Variants in ANKRD35 observed in about 807,000 individuals in gnomAD.
The protein encoded by ANKRD35 is ankyrin repeat domain 35.
ANKRD35 carries 102 observed loss-of-function variants against 109.9 expected under a neutral mutation model. The observed-to-expected ratio is 0.93, with a 90% confidence interval of 0.79 to 1.09. The LOEUF is 1.09. ANKRD35 is among the 50% of genes least tolerant of loss of function. The pLI, the probability that ANKRD35 is intolerant of heterozygous loss-of-function variation, is 0.00. For synonymous variants in ANKRD35, 515 were observed against 512.4 expected (o/e 1.01, Z -0.07); for missense variants, 1,240 against 1,230.1 (o/e 1.01, Z -0.12).
chr1:145,871,995 T>A lies in ANKRD35; in HGVS notation c.2774A>T (p.Asp925Val). 4.3e-6 allele frequency: 7 copies of A among 1,611,398 alleles called. No individual in the cohort carries two copies. The highest frequency in any genetic ancestry group is 5.9e-6 in the Non-Finnish European group (7 of 1,179,964). Residue 925 changes from aspartate to valine, a missense_variant, in exon 10 of 14, where the codon GAC becomes GTC. By Grantham distance (152) the Asp-to-Val change is radical (BLOSUM62 -3). Coordinates refer to ENST00000355594, the MANE Select transcript of ANKRD35 (RefSeq NM_144698.5). Reference sequence around the variant, plus strand: ...TCAGCTGCTCACCTTGGCTTCCTTGTCTCGGCAAGCCCCAATGAGATGCTC... The same window carrying A: ...TCAGCTGCTCACCTTGGCTTCCTTGACTCGGCAAGCCCCAATGAGATGCTC... ...KMEHLIGACR[D>V]KEAKIKELLK...
Position 145,871,979 on chromosome 1 carries a change from C to T in ANKRD35, c.2787+3G>A. The T allele has an allele frequency of 6.2e-7, 1 of 1,609,506 alleles. No homozygotes were observed. On this transcript the variant is annotated splice_donor_region_variant and intron_variant, in intron 10 of 13. Transcript: ENST00000355594. ...GCTCCCCAGGGCTACCTCAGCTGCTCACCTTGGCTTCCTTGTCTCGGCAAG... is the reference window on the plus strand; with the variant it reads ...GCTCCCCAGGGCTACCTCAGCTGCTTACCTTGGCTTCCTTGTCTCGGCAAG...
rs782633180 is a variant in ANKRD35 at position 145,872,334 on chromosome 1, T to C, written c.2435A>G (p.Gln812Arg). ...TTCCTCTGTGGCTTGGTAGAGCAGC[T>C]GCTTCAGCTTTCCGATCTCCTGGCT... ...GKSQEIGKLK[Q>R]LLYQATEEVA... is the part of the protein sequence containing the mutation. The change falls in exon 10 of 14, where the codon CAG (glutamine) becomes CGG (arginine). Residue 812 changes from glutamine to arginine, a missense_variant. Physicochemically the swap from Gln to Arg is conservative, Grantham distance 43. Transcript: ENST00000355594. The C allele has an allele frequency of 6.2e-7, 1 of 1,612,866 alleles. No homozygotes were observed. Among genetic ancestry groups the C allele is most frequent in the African/African-American group, 1.3e-5 (1 of 74,916 alleles).
chr1:145,878,337 G>T, intron 3 of ANKRD35, 54 bp downstream of exon 3: 2 of 1,519,360 alleles, frequency 1.3e-6, no homozygotes, highest in Non-Finnish European at 1.8e-6. Flanking sequence ...GCCCCCGACT[G>T]CTGCTGTACC....
chr1:145,878,355 A>C, intron 3 of ANKRD35, 36 bp downstream of exon 3: 1 of 1,547,872 alleles, frequency 6.5e-7, no homozygotes, highest in Non-Finnish European at 8.8e-7. Context: ...ACCAGGGGCA[A>C]GCAAGCAGCG....
At chr1:145,885,325 TTGG>T (rs1654438085) in intron 1 of ANKRD35, among the ~76,000 whole-genome samples, 1 of 151,846 alleles carries the variant, frequency 6.6e-6, no homozygotes, top group African/African-American at 2.4e-5. Context: ...GGGGCATGAC[TTGG>T]TGGTGTAGAA....
At chr1:145,884,845 G>A (rs1386760542) in intron 1 of ANKRD35, among the ~76,000 whole-genome samples, 2 of 152,202 alleles carry the variant, frequency 1.3e-5, no homozygotes, top group Admixed American at 1.3e-4. Flanking sequence ...ACTGGCCCAA[G>A]AACCAGTCTG....
chr1:145,870,712 A>G (rs1653778343), intron 10 of ANKRD35, among the ~76,000 whole-genome samples: 1 of 151,938 alleles, frequency 6.6e-6, no homozygotes, highest in South Asian at 2.1e-4. Context: ...ATTCTTTTAT[A>G]TATATATATA....
At position 145,876,133 on chromosome 1, in the gene ANKRD35, G is replaced by C. The variant is rs782476101; in HGVS notation, c.560+7C>G. On this transcript the variant is annotated splice_region_variant and intron_variant, in intron 7 of 13. Transcript: ENST00000355594. ...GGAATTGGGGTGCATAGACGAGGGGGGCTCACTTGTCATTCTTGTCTGTAA... is the reference window on the plus strand; with the variant it reads ...GGAATTGGGGTGCATAGACGAGGGGCGCTCACTTGTCATTCTTGTCTGTAA... 3.0e-5 allele frequency: 48 copies of C among 1,613,128 alleles called. No individual in the cohort carries two copies. The highest frequency in any genetic ancestry group is 4.1e-5 in the Non-Finnish European group (48 of 1,179,514).
rs1233811300 is a variant in ANKRD35 at position 145,872,402 on chromosome 1, C to T, written c.2367G>A (p.Leu789=). Residue 789 remains leucine, a synonymous_variant, in exon 10 of 14, where the codon CTG becomes CTA. Coordinates refer to ENST00000355594, the MANE Select transcript of ANKRD35 (RefSeq NM_144698.5). ...VAALEQDLGK[L]EEELRAVQAT... Reference sequence around the variant, plus strand: ...CCTGAACTGCCCGCAGCTCTTCCTCCAGCTTCCCCAGGTCTTGCTCCAGAG... The same window carrying T: ...CCTGAACTGCCCGCAGCTCTTCCTCTAGCTTCCCCAGGTCTTGCTCCAGAG... 6.2e-7 allele frequency: 1 copy of T among 1,613,064 alleles called. No individual in the cohort carries two copies. The highest frequency in any genetic ancestry group is 1.3e-5 in the African/African-American group (1 of 74,914).
rs1269443409 is a variant in ANKRD35, at chr1:145,873,199, T to C, written c.1570A>G (p.Thr524Ala). 1 of 1,613,610 alleles carries C rather than the reference T, an allele frequency of 6.2e-7. No homozygotes were observed. Among genetic ancestry groups the C allele is most frequent in the African/African-American group, 1.3e-5 (1 of 74,772 alleles). ...GCTGCTGCTGCCTCAGCACGGGGAG[T>C]CCCCAGGGCTCCCTCCATGACCGGT... ...SRPVMEGALGTPRAEAAAAAW... is the reference protein window; with the variant it reads ...SRPVMEGALGAPRAEAAAAAW... Residue 524 changes from threonine (T) to alanine (A), a missense_variant, in exon 10 of 14, where the codon ACT becomes GCT. Transcript: ENST00000355594.
At chr1:145,875,091 C>T in intron 7 of ANKRD35, 85 bp from the exon 8 acceptor site, 2 of 1,394,366 alleles carry the variant, frequency 1.4e-6, no homozygotes, top group Non-Finnish European at 1.9e-6. Flanking sequence ...ACAGGGTAAG[C>T]TCTCATTCAG....
rs2101712295 is a variant in ANKRD35, at chr1:145,876,885, C to T, written c.325-12G>A. The T allele has an allele frequency of 6.2e-7, 1 of 1,613,980 alleles. No homozygotes were observed. Among genetic ancestry groups the T allele is most frequent in the East Asian group, 2.2e-5 (1 of 44,882 alleles). ...TCATTAGCACCATGCTGCAAATGGC[C>T]ACAAAGGGAAGCAGCATGGAGCTTG... On this transcript the variant is annotated splice_polypyrimidine_tract_variant and intron_variant, in intron 4 of 13. Transcript: ENST00000355594.
chr1:145,877,396 C>A (rs1654121754), intron 4 of ANKRD35, among the ~76,000 whole-genome samples: 1 of 152,192 alleles, frequency 6.6e-6, no homozygotes, highest in East Asian at 1.9e-4. Context: ...CCACACCCAG[C>A]TAATCTTTTG....
At chr1:145,870,863 C>G (rs1653784066) in intron 10 of ANKRD35, among the ~76,000 whole-genome samples, 1 of 151,958 alleles carries the variant, frequency 6.6e-6, no homozygotes, top group South Asian at 2.1e-4. Context: ...GGATTACAGG[C>G]ACATGCCACC....
At chr1:145,885,599 T>C in intron 1 of ANKRD35, 121 bp downstream of exon 1, 1 of 1,214,296 alleles carries the variant, frequency 8.2e-7, no homozygotes, top group Non-Finnish European at 1.2e-6. Context: ...CTTGCAAGAC[T>C]AGAAGAGCTA....
chr1:145,881,223 T>G (rs1553741057), intron 1 of ANKRD35, among the ~76,000 whole-genome samples: 3 of 152,108 alleles, frequency 2.0e-5, no homozygotes, highest in Non-Finnish European at 4.4e-5. Flanking sequence ...AAGTGGAGGT[T>G]GCAGTGAGCT....
chr1:145,884,453 C>T (rs1229538697), intron 1 of ANKRD35, among the ~76,000 whole-genome samples: 3 of 152,128 alleles, frequency 2.0e-5, no homozygotes, highest in Non-Finnish European at 4.4e-5. Flanking sequence ...TTCTTATGAA[C>T]GATACTACTA....
chr1:145,885,477 C>T (rs587745598), intron 1 of ANKRD35, among the ~76,000 whole-genome samples: 19 of 149,554 alleles, frequency 1.3e-4, no homozygotes, highest in African/African-American at 4.7e-4. Flanking sequence ...GGTGTAGATG[C>T]TAGGAGGACA....
chr1:145,883,872 A>G (rs1347394530), intron 1 of ANKRD35, among the ~76,000 whole-genome samples: 1 of 152,218 alleles, frequency 6.6e-6, no homozygotes, highest in African/African-American at 2.4e-5. Flanking sequence ...CTGAAGAAAC[A>G]GTTTTCTTTC....
Sources: allele counts gnomAD v4.1 joint callset (sites outside exome capture counted in the v4.1 genomes callset), GRCh38; gene constraint gnomAD v4.1.1; transcripts MANE v1.5; gene names NCBI Gene and HGNC (gene_info 2026-07-23, HGNC 2026-07-21).